CNTN4: variants seen among roughly 807,000 people sequenced by gnomAD.
CNTN4 encodes contactin-4.
Under a neutral mutation model 122.5 loss-of-function variants are expected in CNTN4, and 77 were observed. That is an observed-to-expected ratio of 0.63 (90% CI 0.52 to 0.76). The LOEUF is 0.76. CNTN4 is among the 30% of genes least tolerant of loss of function. The pLI is 0.00. For missense variants in CNTN4, 1,256 were observed against 1,259.1 expected (o/e 1.00, Z 0.04); for synonymous variants, 512 against 447.0 (o/e 1.15, Z -1.83).
rs112562475 is a variant in CNTN4 at position 3,044,274 on chromosome 3, C to T, written c.2811+570C>T. Among the ~76,000 whole-genome samples the T allele has an allele frequency of 3.0e-4, 45 of 152,322 alleles. 1 individual carries two copies. Among genetic ancestry groups the T allele is most frequent in the African/African-American group, 8.2e-4 (34 of 41,576 alleles). On this transcript the variant is annotated intron_variant, in intron 23 of 24. Transcript: ENST00000418658. Reference sequence around the variant, plus strand: ...AAAAAGGGTTATAAATATCTTGCAACGTTTCCAGCTACCTATTTGCTACCT... The same window carrying T: ...AAAAAGGGTTATAAATATCTTGCAATGTTTCCAGCTACCTATTTGCTACCT...
At chr3:2,882,068 A>G (rs1403306886) in intron 8 of CNTN4, among the ~76,000 whole-genome samples, 2 of 152,280 alleles carry the variant, frequency 1.3e-5, no homozygotes, top group Admixed American at 1.3e-4. Flanking sequence ...TATTGATAAG[A>G]AATAATTGAT....
At chr3:2,528,798 G>A (rs1483817743) in intron 3 of CNTN4, among the ~76,000 whole-genome samples, 1 of 151,596 alleles carries the variant, frequency 6.6e-6, no homozygotes, top group African/African-American at 2.4e-5. Flanking sequence ...TCCACCTTTA[G>A]TATGACAAGC....
chr3:2,277,003 C>A (rs947354383), intron 2 of CNTN4, among the ~76,000 whole-genome samples: 4 of 152,026 alleles, frequency 2.6e-5, no homozygotes, highest in African/African-American at 9.7e-5. Flanking sequence ...CTCAGGATAT[C>A]AATCTATATC....
intron 6 of CNTN4, among the ~76,000 whole-genome samples, chr3:2,796,992 T>C (rs1361027374): frequency 1.3e-5 from 2 of 152,046 alleles, no homozygotes; most frequent in Non-Finnish European, 2.9e-5. Context: ...TCCTGCCCAA[T>C]GTTTTGTTAT....
chr3:2,636,591 C>G (rs2082666984), intron 4 of CNTN4, among the ~76,000 whole-genome samples: 1 of 152,148 alleles, frequency 6.6e-6, no homozygotes. Context: ...AACTTCCCAA[C>G]CCAAACTCAT....
chr3:2,220,646 T>A (rs946180445), intron 2 of CNTN4, among the ~76,000 whole-genome samples: 2 of 152,252 alleles, frequency 1.3e-5, no homozygotes, highest in African/African-American at 4.8e-5. Flanking sequence ...GAAGCCTCAG[T>A]TTGATCATCT....
chr3:2,446,428 T>A (rs557424334), intron 3 of CNTN4, among the ~76,000 whole-genome samples: 1 of 152,206 alleles, frequency 6.6e-6, no homozygotes, highest in East Asian at 1.9e-4. Context: ...GCCTCCAGAG[T>A]TTTAGAGAAT....
chr3:2,852,717 G>C (rs992647816), intron 7 of CNTN4, among the ~76,000 whole-genome samples: 4 of 152,168 alleles, frequency 2.6e-5, no homozygotes, highest in Admixed American at 2.6e-4. Context: ...TCAAGACCAT[G>C]TACGTCTAAC....
chr3:2,272,705 A>C (rs2041349171), intron 2 of CNTN4, among the ~76,000 whole-genome samples: 1 of 152,194 alleles, frequency 6.6e-6, no homozygotes, highest in Non-Finnish European at 1.5e-5. Flanking sequence ...TTGTATTGAC[A>C]ATTATTCACT....
chr3:2,310,387 T>C (rs980984382), intron 2 of CNTN4, among the ~76,000 whole-genome samples: 1 of 152,196 alleles, frequency 6.6e-6, no homozygotes, highest in East Asian at 1.9e-4. Context: ...TCTCAGTCAG[T>C]ACAGCATGCA....
intron 14 of CNTN4, among the ~76,000 whole-genome samples, chr3:3,017,830 A>G (rs763769995): frequency 6.6e-6 from 1 of 152,224 alleles, no homozygotes; most frequent in Non-Finnish European, 1.5e-5. Context: ...GTCTGCCACC[A>G]TAAGAGACAA....
chr3:2,747,629 A>G (rs945341110), intron 6 of CNTN4, among the ~76,000 whole-genome samples: 30 of 152,236 alleles, frequency 2.0e-4, no homozygotes, highest in African/African-American at 7.2e-4. Flanking sequence ...AACAAAACAA[A>G]CAAACAAACA....
chr3:2,377,412 C>T (rs1284704093), intron 3 of CNTN4, among the ~76,000 whole-genome samples: 2 of 152,186 alleles, frequency 1.3e-5, no homozygotes, highest in East Asian at 1.9e-4. Flanking sequence ...AGCTTCCTCA[C>T]CCACACACAG....
intron 2 of CNTN4, among the ~76,000 whole-genome samples, chr3:2,220,261 A>G (rs141752093): frequency 4.3e-4 from 65 of 152,220 alleles, no homozygotes; most frequent in African/African-American, 1.6e-3. Context: ...CATTCATCAT[A>G]CTGTGAACAC....
At chr3:2,199,961 G>A in intron 2 of CNTN4, among the ~76,000 whole-genome samples, 1 of 152,170 alleles carries the variant, frequency 6.6e-6, no homozygotes, top group East Asian at 1.9e-4. Flanking sequence ...TATGTTGGAT[G>A]AAGATGAGCT....
At chr3:2,682,399 C>T (rs951615445) in intron 4 of CNTN4, among the ~76,000 whole-genome samples, 2 of 152,012 alleles carry the variant, frequency 1.3e-5, no homozygotes, top group Admixed American at 6.6e-5. Flanking sequence ...TGTCAGAGAC[C>T]CCTTTAGTCA....
At chr3:2,273,737 A>C (rs1010384856) in intron 2 of CNTN4, among the ~76,000 whole-genome samples, 7 of 152,220 alleles carry the variant, frequency 4.6e-5, no homozygotes, top group Admixed American at 4.6e-4. Flanking sequence ...ATGTTGAACC[A>C]AAAACAAAAA....
intron 3 of CNTN4, among the ~76,000 whole-genome samples, chr3:2,536,293 T>C (rs953464423): frequency 1.3e-5 from 2 of 152,188 alleles, no homozygotes; most frequent in African/African-American, 4.8e-5. Flanking sequence ...CATTCTTTCG[T>C]CCCAGTTTTT....
chr3:2,471,966 G>C (rs79943561), intron 3 of CNTN4, among the ~76,000 whole-genome samples: 1,994 of 152,188 alleles, frequency 0.013, 44 homozygotes, highest in African/African-American at 0.045. Context: ...TCCCATAGAT[G>C]TGAAGTATTT....
Sources: gnomAD v4.1 joint callset for allele counts (sites outside exome capture counted in the v4.1 genomes callset) on GRCh38, gnomAD v4.1.1 for gene constraint, MANE v1.5 for transcripts, NCBI Gene and HGNC (gene_info 2026-07-23, HGNC 2026-07-21) for gene names.